The following CARD8 variants were observed in gnomAD, a reference collection of about 807,000 sequenced individuals.
The protein encoded by CARD8 is caspase recruitment domain family member 8, also known as caspase recruitment domain-containing protein 8.
Under a neutral mutation model 53.2 loss-of-function variants are expected in CARD8, and 38 were observed. The observed-to-expected ratio is 0.71, with a 90% CI of 0.55 to 0.94. CARD8 has a LOEUF of 0.94. Ranked by LOEUF, CARD8 falls within the 40% of genes least tolerant of loss-of-function variation. The probability of loss-of-function intolerance (pLI) is 0.00; values close to 1 mark genes in which losing one functional copy is unlikely to be tolerated. For missense variants in CARD8, 561 were observed against 655.5 expected (o/e 0.86, Z 1.57); for synonymous variants, 245 against 244.9 (o/e 1.00, Z 0.00).
intron 12 of CARD8, among the ~76,000 whole-genome samples, chr19:48,218,535 G>A (rs2039837576): frequency 1.3e-5 from 2 of 151,830 alleles, no homozygotes; most frequent in Non-Finnish European, 1.5e-5. Flanking sequence ...TGTATGTTTA[G>A]TAGAGACAGG....
Position 48,210,761 on chromosome 19 carries a change from C to A in CARD8, c.*949G>T, listed in dbSNP as rs926654354. ...ACTATCAGAATGGGTTCAAAATACA[C>A]CATAAAAAAAACTGACTCAACCAGA... is the stretch of plus-strand genomic sequence containing the variant. On this transcript the variant is annotated 3_prime_UTR_variant, in exon 14 of 14. Transcript: ENST00000651546. 3.9e-5 allele frequency: 6 copies of A among 152,040 alleles called. No homozygotes were observed. The highest frequency in any genetic ancestry group is 8.8e-5 in the Non-Finnish European group (6 of 67,986). The allele number at this position is 152,040 out of a possible 1,614,324, so 9.4% of individuals were successfully genotyped here.
In CARD8 at chr19:48,231,978, G is replaced by A. The variant is rs114911555; in HGVS notation, c.392-168C>T. Reference sequence around the variant, plus strand: ...GCTTCTTTGAATCCAGACAAAGAAAGGCACAAGAATGTTCCTTGTCATGAC... The same window carrying A: ...GCTTCTTTGAATCCAGACAAAGAAAAGCACAAGAATGTTCCTTGTCATGAC... On this transcript the variant is annotated intron_variant, in intron 7 of 13. Transcript: ENST00000651546. The A allele has an allele frequency of 2.9e-4, 202 of 706,808 alleles. No homozygotes were observed. In the African/African-American group the frequency reaches 3.0e-3, roughly 10 times the overall value. The allele number at this position is 706,808 out of a possible 1,614,324, so 43.8% of individuals were successfully genotyped here.
At chr19:48,207,100 G>A (rs368691263), downstream of CARD8, among the ~76,000 whole-genome samples, 7 of 150,510 alleles carry the variant, frequency 4.7e-5, no homozygotes, top group Admixed American at 2.0e-4. Context: ...CCCGGGAGGC[G>A]GAGGTTGCAG....
At chr19:48,227,827 G>C (rs937201544) in intron 10 of CARD8, among the ~76,000 whole-genome samples, 2 of 150,976 alleles carry the variant, frequency 1.3e-5, no homozygotes, top group Non-Finnish European at 2.9e-5. Context: ...GGAAAGAAAA[G>C]AAAAGTCACA....
rs1404135864 is a variant in CARD8, at chr19:48,249,826, T to G, written c.-230A>C. The stretch of plus-strand genomic sequence containing the variant: ...TTGCTTGGACACTGCCAGGCTGCTC[T>G]GTGTTCTGTTCCTCTTGGTCACTTG... On this transcript the variant is annotated 5_prime_UTR_variant, in exon 2 of 14. Transcript: ENST00000651546. 1 of 152,326 alleles carries G rather than the reference T, an allele frequency of 6.6e-6. No individual in the cohort carries two copies. The highest frequency in any genetic ancestry group is 2.4e-5 in the African/African-American group (1 of 41,458). The allele number at this position is 152,326 out of a possible 1,614,324, so 9.4% of individuals were successfully genotyped here.
At chr19:48,242,709 T>C (rs1411030274) in intron 3 of CARD8, 1 of 152,192 alleles carries the variant, frequency 6.6e-6, no homozygotes, top group East Asian at 1.9e-4. Context: ...ATTATTTCCT[T>C]CTCTTGGGTA....
intron 1 of CARD8, among the ~76,000 whole-genome samples, chr19:48,251,596 C>T (rs1002972913): frequency 1.3e-5 from 2 of 152,294 alleles, no homozygotes. Context: ...ATTTAATATA[C>T]ATTTGGGGCT....
rs1197497548 is a variant in CARD8 at position 48,220,984 on chromosome 19, AGG to A, written c.1161+744_1161+745del. On this transcript the variant is annotated intron_variant, in intron 11 of 13. Transcript: ENST00000651546. ...AAGGAAGGAAGGAAGGAAGGAAGGA[AGG>A]AAGGAAGGAAAGAAAGAAAGAAAAA... Among the ~76,000 whole-genome samples the A allele has an allele frequency of 3.2e-3, 325 of 100,034 alleles. 3 individuals are homozygous for A. Among genetic ancestry groups the A allele is most frequent in the African/African-American group, 8.8e-3 (226 of 25,736 alleles). The allele number at this position is 100,034 out of a possible 152,430, so 65.6% of individuals were successfully genotyped here. A position where few individuals can be genotyped will look rare whatever the true frequency, so the allele number is the denominator to read the frequency against.
At chr19:48,203,921 C>T (rs763374827), downstream of CARD8, 18 of 281,020 alleles carry the variant, frequency 6.4e-5, no homozygotes, top group Admixed American at 2.4e-4. Flanking sequence ...GCCGGCTGAG[C>T]GCCACCAGCG....
chr19:48,215,396 G>C lies in CARD8; in HGVS notation c.1304-12C>G. ...AAGCTGGAGATCCACTACAAAAGAG[G>C]GAAAAATTATATGATGAGATGAGAT... On this transcript the variant is annotated splice_polypyrimidine_tract_variant and intron_variant, in intron 12 of 13. Transcript: ENST00000651546. 1 of 1,596,678 alleles carries C rather than the reference G, an allele frequency of 6.3e-7. No homozygotes were observed. Among genetic ancestry groups the C allele is most frequent in the Middle Eastern group, 1.7e-4 (1 of 6,014 alleles).
In CARD8 at chr19:48,233,299, C is replaced by T. The variant is rs557449569; in HGVS notation, c.351-806G>A. The T allele has an allele frequency of 6.6e-6, 3 of 456,030 alleles. No individual in the cohort carries two copies. In the East Asian group the frequency reaches 2.1e-4, roughly 32 times the overall value. 28.2% of individuals were successfully genotyped at this position (456,030 alleles called of 1,614,324 possible). On this transcript the variant is annotated intron_variant, in intron 6 of 13. Coordinates refer to ENST00000651546, the MANE Select transcript of CARD8 (RefSeq NM_001184900.3). ...TCTGGAGCAAGGCAACCAACTCCATCAAATTCTCTGCCTTTGATCCATTCC... is the reference window on the plus strand; with the variant it reads ...TCTGGAGCAAGGCAACCAACTCCATTAAATTCTCTGCCTTTGATCCATTCC...
intron 5 of CARD8, chr19:48,238,159 G>A (rs2044261437): frequency 3.0e-6 from 2 of 664,392 alleles, no homozygotes; most frequent in African/African-American, 1.9e-5. Flanking sequence ...CCAGTGTGCT[G>A]AGATTACAGG....
At chr19:48,249,018 G>C (rs2046570337) in intron 3 of CARD8, among the ~76,000 whole-genome samples, 1 of 152,166 alleles carries the variant, frequency 6.6e-6, no homozygotes, top group South Asian at 2.1e-4. Context: ...GCAACATAGT[G>C]AAACTCCGTC....
intron 13 of CARD8, 116 bp downstream of exon 13, chr19:48,215,224 G>A (rs941650537): frequency 2.1e-5 from 15 of 726,766 alleles, no homozygotes; most frequent in Middle Eastern, 2.3e-4. Flanking sequence ...AGACCTATAC[G>A]GATTTGCTGC....
rs546671655 is a variant in CARD8, at chr19:48,216,061, T to C, written c.1304-677A>G. ...GGTCATTTGACTTCTGGGCAGAACA[T>C]GAGCTGCCTTGAACCAGCATACTCA... On this transcript the variant is annotated intron_variant, in intron 12 of 13. Coordinates refer to ENST00000651546, the MANE Select transcript of CARD8 (RefSeq NM_001184900.3). Among the ~76,000 whole-genome samples the C allele has an allele frequency of 1.9e-3, 291 of 151,354 alleles. 1 individual carries two copies. Among genetic ancestry groups the C allele is most frequent in the African/African-American group, 5.7e-3 (236 of 41,256 alleles).
At chr19:48,204,042 G>A, downstream of CARD8, 1 of 393,232 alleles carries the variant, frequency 2.5e-6, no homozygotes, top group South Asian at 1.8e-5. Flanking sequence ...TTCGTCTGCT[G>A]GCGGGAGAGG....
intron 5 of CARD8, among the ~76,000 whole-genome samples, chr19:48,235,333 T>C (rs906820831): frequency 2.6e-5 from 4 of 152,242 alleles, no homozygotes; most frequent in Non-Finnish European, 5.9e-5. Context: ...CCTATTTACA[T>C]TTAGTTTTAA....
intron 10 of CARD8, among the ~76,000 whole-genome samples, chr19:48,226,053 C>CAAAAAAAAAAAA (rs35050640): frequency 1.3e-5 from 1 of 78,448 alleles, no homozygotes; most frequent in African/African-American, 5.0e-5. Context: ...GACTCCGTCT[C>CAAAAAAAAAAAA]AAAAAAAAAA....
At chr19:48,213,666 A>G (rs2038536366) in intron 13 of CARD8, among the ~76,000 whole-genome samples, 1 of 152,182 alleles carries the variant, frequency 6.6e-6, no homozygotes, top group Admixed American at 6.5e-5. Flanking sequence ...GAGCCACTGC[A>G]CCCAGCCAAC....
Sources: allele counts gnomAD v4.1 joint callset (sites outside exome capture counted in the v4.1 genomes callset), GRCh38; gene constraint gnomAD v4.1.1; transcripts MANE v1.5; gene names NCBI Gene and HGNC (gene_info 2026-07-23, HGNC 2026-07-21).